ARHGAP21: variants seen among roughly 807,000 people sequenced by gnomAD.
ARHGAP21 encodes rho GTPase-activating protein 21.
ARHGAP21 carries 38 observed loss-of-function variants against 164.6 expected under a neutral mutation model. The observed-to-expected ratio is 0.23, with a 90% CI of 0.18 to 0.30. The LOEUF (loss-of-function observed/expected upper bound fraction) is 0.30, where lower values mean the gene tolerates loss of function less well. Ranked by LOEUF, ARHGAP21 falls within the 10% of genes least tolerant of loss-of-function variation. The pLI is 1.00. For missense variants in ARHGAP21, 1,822 were observed against 2,370.7 expected, an observed-to-expected ratio of 0.77 and a Z score of 4.81; for synonymous variants, 766 against 857.9, an observed-to-expected ratio of 0.89 and a Z score of 1.87.
At chr10:24,695,919 C>T (rs939814101) in intron 2 of ARHGAP21, among the ~76,000 whole-genome samples, 3 of 152,160 alleles carry the variant, frequency 2.0e-5, no homozygotes, top group African/African-American at 7.2e-5. Context: ...ATGACAGCCT[C>T]GAAAGACCCT....
intron 2 of ARHGAP21, among the ~76,000 whole-genome samples, chr10:24,712,031 C>T (rs1330502926): frequency 2.0e-5 from 3 of 152,118 alleles, no homozygotes; most frequent in African/African-American, 7.2e-5. Context: ...TTTCATGCCT[C>T]AGCCTCCCGA....
chr10:24,631,528 C>T (rs773814736), intron 6 of ARHGAP21, among the ~76,000 whole-genome samples: 3 of 152,140 alleles, frequency 2.0e-5, no homozygotes, highest in Non-Finnish European at 4.4e-5. Flanking sequence ...AAATAATCTA[C>T]TGGTGTCTCT....
Position 24,670,267 on chromosome 10 carries a change from C to T in ARHGAP21, c.194G>A (p.Arg65Lys), listed in dbSNP as rs2131775961. ...RTSQGFGFTL[R>K]HFIVYPPESA... is the part of the protein sequence containing the mutation. ...CTCTGGGGGATAAACAATAAAATGT[C>T]TTAATGTAAAACCAAAGCCTTGAGA... Residue 65 changes from arginine to lysine, a missense_variant, in exon 3 of 26, where the codon AGA becomes AAA. By Grantham distance (26) the Arg-to-Lys change is conservative. This residue lies in a region of ARHGAP21 where 1,090 missense variants were observed against 1,378.9 expected (regional missense o/e 0.79). Transcript: ENST00000396432. 1.2e-6 allele frequency: 2 copies of T among 1,603,116 alleles called. No homozygotes were observed. The highest frequency in any genetic ancestry group is 1.7e-6 in the Non-Finnish European group (2 of 1,174,548).
rs145257188 is a variant in ARHGAP21 at position 24,707,532 on chromosome 10, G to A, written c.63+14305C>T. 2.2e-4 allele frequency among the ~76,000 whole-genome samples: 34 copies of A among 152,170 alleles called. No homozygotes were observed. The East Asian group carries it at 5.8e-3, about 26-fold the overall frequency. On this transcript the variant is annotated intron_variant, in intron 2 of 25. Coordinates refer to ENST00000396432, the MANE Select transcript of ARHGAP21 (RefSeq NM_020824.4). ...CCTTTCTCCCAAGCTCCAAATCTGCGTGACTAAACACTTGCTAAGCACATA... is the reference window on the plus strand; with the variant it reads ...CCTTTCTCCCAAGCTCCAAATCTGCATGACTAAACACTTGCTAAGCACATA...
intron 2 of ARHGAP21, among the ~76,000 whole-genome samples, chr10:24,706,963 C>A (rs1315716998): frequency 6.6e-6 from 1 of 152,218 alleles, no homozygotes; most frequent in African/African-American, 2.4e-5. Flanking sequence ...CGGTCCACAG[C>A]AAACAAATTC....
intron 9 of ARHGAP21, among the ~76,000 whole-genome samples, chr10:24,613,108 C>T (rs976677285): frequency 2.6e-5 from 4 of 151,614 alleles, no homozygotes; most frequent in Non-Finnish European, 5.9e-5. Context: ...ACTCCCTAGG[C>T]AAATTTAAAT....
chr10:24,633,531 T>C (rs950726159), intron 5 of ARHGAP21, 51 bp from the exon 6 acceptor site: 1 of 1,189,114 alleles, frequency 8.4e-7, no homozygotes, highest in Non-Finnish European at 1.2e-6. Flanking sequence ...AAAGTCACTT[T>C]TGAACACTTT....
intron 2 of ARHGAP21, among the ~76,000 whole-genome samples, chr10:24,674,690 AATAT>A (rs1017727026): frequency 1.1e-4 from 16 of 152,096 alleles, no homozygotes; most frequent in Non-Finnish European, 2.9e-5. Context: ...TGCCTCAAAA[AATAT>A]ATATATTTTA....
At chr10:24,629,970 C>T (rs1423179967) in intron 7 of ARHGAP21, 26 bp downstream of exon 7, 2 of 1,475,842 alleles carry the variant, frequency 1.4e-6, no homozygotes, top group African/African-American at 1.4e-5. Flanking sequence ...TGTAAAACAA[C>T]TCATATATGA....
Position 24,596,890 on chromosome 10 carries a change from T to G in ARHGAP21, c.3335-8A>C. The G allele has an allele frequency of 6.3e-7, 1 of 1,591,234 alleles. No individual in the cohort carries two copies. The highest frequency in any genetic ancestry group is 1.2e-5 in the South Asian group (1 of 86,208). Reference sequence around the variant, plus strand: ...TTGGGGGACTGGTATCATCTTTTGATTGCCAGTCAAAATAAAACAACATAA... The same window carrying G: ...TTGGGGGACTGGTATCATCTTTTGAGTGCCAGTCAAAATAAAACAACATAA... On this transcript the variant is annotated splice_polypyrimidine_tract_variant and splice_region_variant and intron_variant, in intron 16 of 25. Transcript: ENST00000396432.
At chr10:24,636,509 G>A (rs183921201) in intron 4 of ARHGAP21, among the ~76,000 whole-genome samples, 18 of 152,310 alleles carry the variant, frequency 1.2e-4, no homozygotes, top group African/African-American at 4.3e-4. Flanking sequence ...TACATGTGTT[G>A]AGTAACATGA....
At chr10:24,610,673 G>C (rs1384528141) in intron 9 of ARHGAP21, among the ~76,000 whole-genome samples, 1 of 152,120 alleles carries the variant, frequency 6.6e-6, no homozygotes, top group Non-Finnish European at 1.5e-5. Flanking sequence ...TATCTGAATA[G>C]GAAACTTTCA....
At chr10:24,641,143 G>T (rs1294651636) in intron 4 of ARHGAP21, among the ~76,000 whole-genome samples, 1 of 152,076 alleles carries the variant, frequency 6.6e-6, no homozygotes, top group Non-Finnish European at 1.5e-5. Context: ...TTTATTTTGG[G>T]AATATGGTTT....
At chr10:24,619,260 T>TG (rs1409377579) in intron 9 of ARHGAP21, among the ~76,000 whole-genome samples, 2 of 115,210 alleles carry the variant, frequency 1.7e-5, no homozygotes, top group Non-Finnish European at 4.0e-5. Context: ...ATGAAGTTTT[T>TG]GTTTTTTTTT....
chr10:24,656,462 A>C (rs1838955371), intron 4 of ARHGAP21, among the ~76,000 whole-genome samples: 2 of 50,754 alleles, frequency 3.9e-5, no homozygotes, highest in African/African-American at 9.2e-5. Flanking sequence ...GGCCACCCCT[A>C]CTGTGAAGTG....
intron 9 of ARHGAP21, 129 bp downstream of exon 9, chr10:24,619,344 T>G: frequency 3.1e-4 from 279 of 907,978 alleles, no homozygotes; most frequent in Non-Finnish European, 3.9e-4. Context: ...GCACAGCTTA[T>G]GAGATTCACT....
At chr10:24,701,466 T>G (rs1462533175) in intron 2 of ARHGAP21, among the ~76,000 whole-genome samples, 1 of 152,164 alleles carries the variant, frequency 6.6e-6, no homozygotes, top group African/African-American at 2.4e-5. Context: ...TTTCCCTTTG[T>G]AATATCTTAA....
chr10:24,673,463 T>G (rs1159912610), intron 2 of ARHGAP21, among the ~76,000 whole-genome samples: 2 of 152,174 alleles, frequency 1.3e-5, no homozygotes, highest in Non-Finnish European at 2.9e-5. Context: ...ATACAAATAC[T>G]TGTAAACACA....
intron 4 of ARHGAP21, among the ~76,000 whole-genome samples, chr10:24,651,293 G>A (rs534491743): frequency 6.6e-6 from 1 of 152,260 alleles, no homozygotes; most frequent in African/African-American, 2.4e-5. Context: ...GCCTAGCAGA[G>A]GCATTCTTAG....
Sources: gnomAD v4.1 joint callset for allele counts (sites outside exome capture counted in the v4.1 genomes callset) on GRCh38, gnomAD v4.1.1 for gene constraint, gnomAD v4.1.1 regional missense constraint, MANE v1.5 for transcripts, NCBI Gene and HGNC (gene_info 2026-07-23, HGNC 2026-07-21) for gene names.